Variants in WDR49 observed in about 807,000 individuals in gnomAD.
WDR49 encodes WD repeat domain 49, also known as cilia- and flagella-associated protein 337.
In WDR49, 107 loss-of-function variants were observed where a neutral mutation model predicts 119.5. The observed-to-expected ratio is 0.90, with a 90% CI of 0.77 to 1.05. The LOEUF is 1.05. Ranked by LOEUF, WDR49 falls within the 50% of genes least tolerant of loss-of-function variation. The pLI is 0.00. For missense variants in WDR49, 1,240 were observed against 1,220.5 expected (o/e 1.02, Z -0.24); for synonymous variants, 425 against 418.8 (o/e 1.01, Z -0.18).
intron 18 of WDR49, among the ~76,000 whole-genome samples, chr3:167,484,316 G>C (rs1441896892): frequency 6.6e-6 from 1 of 152,082 alleles, no homozygotes; most frequent in Non-Finnish European, 1.5e-5. Flanking sequence ...GGACAGGGGA[G>C]GGATAGCATT....
Position 167,602,247 on chromosome 3 carries a change from G to C in WDR49, c.1155C>G (p.Cys385Trp). Reference protein sequence around the residue: ...IATAGINNKVCLWNPYVVSKP... With the variant: ...IATAGINNKVWLWNPYVVSKP... ...TAGAGACAACATAGGGATTCCAAAG[G>C]CAAACTTTATTGTTAATGCCAGCAG... The change falls in exon 7 of 19, where the codon TGC becomes TGG. Residue 385 changes from cysteine to tryptophan, a missense_variant. Cys to Trp is a radical substitution (Grantham distance 215, BLOSUM62 -2). Transcript: ENST00000682715. The C allele has an allele frequency of 1.3e-6, 2 of 1,589,714 alleles. No individual in the cohort carries two copies. Among genetic ancestry groups the C allele is most frequent in the Non-Finnish European group, 1.7e-6 (2 of 1,162,592 alleles).
chr3:167,520,770 G>C (rs1752407246), intron 16 of WDR49, among the ~76,000 whole-genome samples: 1 of 152,118 alleles, frequency 6.6e-6, no homozygotes, highest in Admixed American at 6.6e-5. Context: ...GACTCTGTGT[G>C]AAGAGTCATT....
intron 11 of WDR49, among the ~76,000 whole-genome samples, chr3:167,536,406 C>A (rs376378350): frequency 3.9e-5 from 6 of 151,916 alleles, no homozygotes; most frequent in African/African-American, 1.4e-4. Context: ...TGGCCGGGCA[C>A]AGTGGCTCAC....
intron 17 of WDR49, among the ~76,000 whole-genome samples, chr3:167,503,617 C>T (rs1168455791): frequency 4.6e-5 from 7 of 152,270 alleles, no homozygotes; most frequent in Admixed American, 2.6e-4. Context: ...TTAGCCCGAT[C>T]GGGAGCAGCA....
chr3:167,489,063 T>C (rs998803715), intron 18 of WDR49, among the ~76,000 whole-genome samples: 1 of 152,084 alleles, frequency 6.6e-6, no homozygotes, highest in African/African-American at 2.4e-5. Flanking sequence ...TCTTCTTAGC[T>C]CTTATCAATA....
chr3:167,566,862 GTCT>G (rs1560289236), intron 8 of WDR49: 1 of 686,980 alleles, frequency 1.5e-6, no homozygotes, highest in Non-Finnish European at 2.7e-6. Flanking sequence ...TATCATAAGG[GTCT>G]TCATTCGTGT....
intron 8 of WDR49, among the ~76,000 whole-genome samples, chr3:167,566,503 A>G (rs1293743078): frequency 6.6e-6 from 1 of 152,174 alleles, no homozygotes; most frequent in East Asian, 1.9e-4. Flanking sequence ...TTTTTGTAAA[A>G]AAAGCCTATA....
chr3:167,623,340 A>G (rs1015000363), intron 3 of WDR49, among the ~76,000 whole-genome samples: 2 of 152,120 alleles, frequency 1.3e-5, no homozygotes, highest in Non-Finnish European at 2.9e-5. Flanking sequence ...TTTACACATC[A>G]TAGCAAAGTA....
intron 7 of WDR49, among the ~76,000 whole-genome samples, chr3:167,597,107 G>T (rs1420041247): frequency 6.6e-6 from 1 of 152,194 alleles, no homozygotes. Flanking sequence ...CAGGCCCAAA[G>T]GCCTAGGTGG....
At chr3:167,564,299 C>T (rs1312542276) in intron 8 of WDR49, among the ~76,000 whole-genome samples, 1 of 152,150 alleles carries the variant, frequency 6.6e-6, no homozygotes, top group Non-Finnish European at 1.5e-5. Context: ...TCTCAAACAT[C>T]CAACCAGTAT....
At chr3:167,550,822 T>C (rs1385554691) in intron 10 of WDR49, among the ~76,000 whole-genome samples, 1 of 149,782 alleles carries the variant, frequency 6.7e-6, no homozygotes, top group Non-Finnish European at 1.5e-5. Flanking sequence ...TATAAAATCA[T>C]AGATTTTGGA....
At chr3:167,652,645 T>C (rs12486368) in intron 2 of WDR49, among the ~76,000 whole-genome samples, 1 of 152,218 alleles carries the variant, frequency 6.6e-6, no homozygotes, top group Non-Finnish European at 1.5e-5. Flanking sequence ...TACAGTTAAA[T>C]TCCTATGGTT....
intron 16 of WDR49, 71 bp downstream of exon 16, chr3:167,522,244 A>G (rs946708688): frequency 8.4e-6 from 12 of 1,432,094 alleles, no homozygotes; most frequent in Non-Finnish European, 9.3e-6. Flanking sequence ...ACACAAGGAA[A>G]TTTGGACCAA....
intron 3 of WDR49, 144 bp downstream of exon 3, chr3:167,626,708 A>G: frequency 1.8e-6 from 1 of 564,354 alleles, no homozygotes; most frequent in Non-Finnish European, 2.6e-6. Context: ...ACCCAAGAAA[A>G]CAGCTGGCAC....
chr3:167,614,961 AAC>A (rs1716524766), intron 5 of WDR49, among the ~76,000 whole-genome samples: 1 of 152,196 alleles, frequency 6.6e-6, no homozygotes, highest in Non-Finnish European at 1.5e-5. Flanking sequence ...CAGAATCCAA[AAC>A]AACTACAAAT....
intron 8 of WDR49, among the ~76,000 whole-genome samples, chr3:167,574,807 G>A (rs527320399): frequency 6.6e-6 from 1 of 152,280 alleles, no homozygotes; most frequent in Non-Finnish European, 1.5e-5. Flanking sequence ...TCTCTTGGAA[G>A]CAAATACATC....
chr3:167,632,016 A>T lies in WDR49; in HGVS notation c.166-4724T>A, dbSNP rs1174223096. ...AGCTGGACATTTTTTAGTGATCCAG[A>T]TTTTAAGAGTAGAGAAAGAAACCTG... is the stretch of plus-strand genomic sequence containing the variant. On this transcript the variant is annotated intron_variant, in intron 2 of 18. Transcript: ENST00000682715. 2.6e-5 allele frequency among the ~76,000 whole-genome samples: 4 copies of T among 152,196 alleles called. No homozygotes were observed. The East Asian group carries it at 7.7e-4, about 29-fold the overall frequency.
intron 18 of WDR49, among the ~76,000 whole-genome samples, chr3:167,482,873 A>G (rs1179641289): frequency 6.6e-6 from 1 of 152,186 alleles, no homozygotes; most frequent in Non-Finnish European, 1.5e-5. Context: ...TTGTGAGCAT[A>G]AAGGAGAAAG....
chr3:167,646,414 T>C (rs1051440279), intron 2 of WDR49, among the ~76,000 whole-genome samples: 23 of 152,106 alleles, frequency 1.5e-4, no homozygotes, highest in African/African-American at 3.9e-4. Flanking sequence ...TATAGTGGGA[T>C]TGAGGAGCTG....
Sources: allele counts gnomAD v4.1 joint callset (sites outside exome capture counted in the v4.1 genomes callset), GRCh38; gene constraint gnomAD v4.1.1; transcripts MANE v1.5; gene names NCBI Gene and HGNC (gene_info 2026-07-23, HGNC 2026-07-21).